Variants in WNT7B observed in about 807,000 individuals in gnomAD.
The protein encoded by WNT7B is protein Wnt-7b.
Under a neutral mutation model 38.2 loss-of-function variants are expected in WNT7B, and 19 were observed. The ratio of observed to expected loss-of-function variants is 0.50; its 90% confidence interval spans 0.35 to 0.73. WNT7B has a LOEUF of 0.73. Ranked by LOEUF, WNT7B falls within the 30% of genes least tolerant of loss-of-function variation. The pLI is 0.01. For missense variants in WNT7B, 423 were observed against 507.9 expected, an observed-to-expected ratio of 0.83 and a Z score of 1.61; for synonymous variants, 243 against 209.3, an observed-to-expected ratio of 1.16 and a Z score of -1.39.
At chr22:45,962,228 G>A (rs1932213980) in intron 1 of WNT7B, among the ~76,000 whole-genome samples, 1 of 152,190 alleles carries the variant, frequency 6.6e-6, no homozygotes, top group South Asian at 2.1e-4. Flanking sequence ...GGGGTCCATT[G>A]CACCCCTGGC....
intron 3 of WNT7B, among the ~76,000 whole-genome samples, chr22:45,930,066 T>C (rs117299891): frequency 0.038 from 5,655 of 148,720 alleles, 157 homozygotes; most frequent in Non-Finnish European, 0.058. Context: ...ATCTCTTCTG[T>C]GCCAGGCCCT....
At chr22:45,957,170 A>G (rs1315637807) in intron 1 of WNT7B, among the ~76,000 whole-genome samples, 1 of 151,906 alleles carries the variant, frequency 6.6e-6, no homozygotes, top group Non-Finnish European at 1.5e-5. Context: ...AAATCACAAT[A>G]GTTACCCTTG....
chr22:45,950,039 A>G lies in WNT7B; in HGVS notation c.179T>C (p.Ile60Thr), dbSNP rs774696405. The change falls in exon 2 of 4, where the codon ATT becomes ACT. Residue 60 changes from isoleucine (I) to threonine (T), a missense_variant. Coordinates refer to ENST00000339464, the MANE Select transcript of WNT7B (RefSeq NM_058238.3). Reference sequence around the variant, plus strand: ...CATCTGCGCCCCCTCCCCAATCACAATGATGGCATCGGGCCGACTCTGGCA... The same window carrying G: ...CATCTGCGCCCCCTCCCCAATCACAGTGATGGCATCGGGCCGACTCTGGCA... ...AICQSRPDAI[I>T]VIGEGAQMGI... The G allele has an allele frequency of 5.0e-6, 8 of 1,613,962 alleles. No homozygotes were observed. The highest frequency in any genetic ancestry group is 2.2e-5 in the East Asian group (1 of 44,872).
Position 45,976,078 on chromosome 22 carries a change from G to C in WNT7B, c.71+606C>G, listed in dbSNP as rs1396545373. The C allele has an allele frequency of 6.9e-6, 1 of 145,326 alleles. No homozygotes were observed. Among genetic ancestry groups the C allele is most frequent in the Non-Finnish European group, 1.5e-5 (1 of 65,298 alleles). 9.0% of individuals were successfully genotyped at this position (145,326 alleles called of 1,614,324 possible). A position where few individuals can be genotyped will look rare whatever the true frequency, so the allele number is the denominator to read the frequency against. ...GGGCCCAGGGCCCCGGGCGGGCGGG[G>C]CACGGGCCCCGGACCGAGCCCGAGG... On this transcript the variant is annotated intron_variant, in intron 1 of 3. Coordinates refer to ENST00000339464, the MANE Select transcript of WNT7B (RefSeq NM_058238.3). This position sits in a 1 kb window ranked among gnomAD's most constrained non-coding sequence, Gnocchi z 8.5.
intron 1 of WNT7B, chr22:45,972,530 C>A (rs549639834): frequency 1.6e-3 from 268 of 167,442 alleles, no homozygotes; most frequent in African/African-American, 5.9e-3. Context: ...TCTGTCGGTG[C>A]GAACCGGCTC....
At chr22:45,947,716 C>T (rs762401540) in intron 2 of WNT7B, among the ~76,000 whole-genome samples, 4 of 152,180 alleles carry the variant, frequency 2.6e-5, no homozygotes, top group Admixed American at 6.5e-5. Context: ...AGGTCACAAG[C>T]GGCCCAGACC....
chr22:45,971,716 G>A (rs951425695), intron 1 of WNT7B, among the ~76,000 whole-genome samples: 4 of 152,162 alleles, frequency 2.6e-5, no homozygotes, highest in Non-Finnish European at 4.4e-5. Context: ...GTGTTTGCAC[G>A]AGGGAGCGGG....
At position 45,923,092 on chromosome 22, in the gene WNT7B, C is replaced by T. The variant is rs1286062176; in HGVS notation, c.814G>A (p.Glu272Lys). 6.2e-7 allele frequency: 1 copy of T among 1,613,630 alleles called. No homozygotes were observed. The highest frequency in any genetic ancestry group is 8.5e-7 in the Non-Finnish European group (1 of 1,179,972). ...KPMETDLVYI[E>K]KSPNYCEEDA... ...TCCTCGCAGTAGTTGGGCGACTTCT[C>T]AATGTACACCAGGTCTGTCTCCATG... The change falls in exon 4 of 4, where the codon GAG (glutamate) becomes AAG (lysine). Residue 272 changes from glutamate (E) to lysine (K), a missense_variant. Transcript: ENST00000339464.
At chr22:45,928,424 G>T (rs1188060614) in intron 3 of WNT7B, among the ~76,000 whole-genome samples, 1 of 152,084 alleles carries the variant, frequency 6.6e-6, no homozygotes, top group East Asian at 1.9e-4. Context: ...GGAGTTGGGG[G>T]ACAAAGTGCA....
At chr22:45,933,212 G>A (rs951976419) in intron 2 of WNT7B, among the ~76,000 whole-genome samples, 9 of 152,176 alleles carry the variant, frequency 5.9e-5, no homozygotes, top group Non-Finnish European at 1.0e-4. Context: ...TCCTTCCTGA[G>A]AAGAACTAAG....
intron 3 of WNT7B, among the ~76,000 whole-genome samples, chr22:45,930,535 G>C (rs576003663): frequency 6.6e-6 from 1 of 152,144 alleles, no homozygotes; most frequent in Non-Finnish European, 1.5e-5. Flanking sequence ...CTTCTTCCCC[G>C]GTGTGTCCCT....
intron 2 of WNT7B, among the ~76,000 whole-genome samples, chr22:45,933,218 C>T (rs1327456896): frequency 6.6e-6 from 1 of 152,172 alleles, no homozygotes; most frequent in Admixed American, 6.5e-5. Context: ...CTGAGAAGAA[C>T]TAAGGGGAGG....
intron 2 of WNT7B, among the ~76,000 whole-genome samples, chr22:45,944,955 G>A (rs1353275470): frequency 1.3e-5 from 2 of 152,228 alleles, no homozygotes; most frequent in Non-Finnish European, 2.9e-5. Flanking sequence ...CTGACCAGAT[G>A]ACTTTGGGCC....
intron 1 of WNT7B, among the ~76,000 whole-genome samples, chr22:45,957,682 CAAAAAAAAA>C (rs367797133): frequency 3.0e-3 from 107 of 36,014 alleles, no homozygotes; most frequent in African/African-American, 8.2e-3. Flanking sequence ...GACTCCGTCT[CAAAAAAAAA>C]AAAAAAAAAA....
chr22:45,971,737 C>T (rs967024946), intron 1 of WNT7B, among the ~76,000 whole-genome samples: 3 of 152,160 alleles, frequency 2.0e-5, no homozygotes, highest in African/African-American at 7.2e-5. Context: ...TGTGTGAGTG[C>T]GGCTCTCCCA....
Position 45,932,320 on chromosome 22 carries a change from G to A in WNT7B, c.299-951C>T, listed in dbSNP as rs149875743. Among the ~76,000 whole-genome samples the A allele has an allele frequency of 1.0e-3, 152 of 152,244 alleles. 1 individual carries two copies. The highest frequency in any genetic ancestry group is 3.4e-3 in the African/African-American group (143 of 41,524). ...GCTCACATCCCCTGGGGATTATGTG[G>A]TCTTTTTGGTGGCATTCCCTCCCAC... On this transcript the variant is annotated intron_variant, in intron 2 of 3. Coordinates refer to ENST00000339464, the MANE Select transcript of WNT7B (RefSeq NM_058238.3).
rs547678092 is a variant in WNT7B, at chr22:45,975,954, A to G, written c.71+730T>C. On this transcript the variant is annotated intron_variant, in intron 1 of 3. Coordinates refer to ENST00000339464, the MANE Select transcript of WNT7B (RefSeq NM_058238.3). The surrounding 1 kb of genome is among the most constrained non-coding windows in gnomAD (Gnocchi z 6.6). ...CTGGGTTCAGGAATGTGGAAATACG[A>G]CTCGGAGCAGCTACCGCAGAGAGCA... The G allele has an allele frequency of 6.6e-6, 1 of 152,108 alleles. No individual in the cohort carries two copies. The highest frequency in any genetic ancestry group is 1.4e-5 in the Non-Finnish European group (1 of 68,992). 9.4% of individuals were successfully genotyped at this position (152,108 alleles called of 1,614,324 possible). A position where few individuals can be genotyped will look rare whatever the true frequency, so the allele number is the denominator to read the frequency against.
chr22:45,954,587 A>G, intron 1 of WNT7B: 1 of 985,330 alleles, frequency 1.0e-6, no homozygotes, highest in Non-Finnish European at 1.2e-6. Flanking sequence ...CAGGGGGACT[A>G]GAGCCCCCAG....
intron 3 of WNT7B, chr22:45,926,513 G>T (rs1931087347): frequency 4.1e-6 from 4 of 985,456 alleles, no homozygotes. Flanking sequence ...GGGAGTCATG[G>T]GGTTGGTGGA....
Sources: allele counts gnomAD v4.1 joint callset (sites outside exome capture counted in the v4.1 genomes callset), GRCh38; gene constraint gnomAD v4.1.1; non-coding constraint Gnocchi (gnomAD v3.1); transcripts MANE v1.5; gene names NCBI Gene and HGNC (gene_info 2026-07-23, HGNC 2026-07-21).